Variants in RANBP17 observed in about 807,000 individuals in gnomAD.
RANBP17 encodes the protein ran-binding protein 17.
In RANBP17, 158 loss-of-function variants were observed where a neutral mutation model predicts 141.2. That is an observed-to-expected ratio of 1.12 (90% CI 0.98 to 1.28). The LOEUF (loss-of-function observed/expected upper bound fraction) is 1.28. Among genes scored for constraint, RANBP17 ranks in the 50% most tolerant of loss-of-function variants. The pLI, the probability that RANBP17 is intolerant of heterozygous loss-of-function variation, is 0.00. For synonymous variants in RANBP17, 430 were observed against 450.0 expected, an observed-to-expected ratio of 0.96 and a Z score of 0.56; for missense variants, 1,438 against 1,290.7, an observed-to-expected ratio of 1.11 and a Z score of -1.75.
chr5:170,943,782 C>G (rs951296821), intron 12 of RANBP17, among the ~76,000 whole-genome samples: 1 of 151,962 alleles, frequency 6.6e-6, no homozygotes, highest in African/African-American at 2.4e-5. Flanking sequence ...TTAAGGTGTA[C>G]GGCATGATGT....
chr5:171,097,969 TC>T (rs1383682818), intron 14 of RANBP17, among the ~76,000 whole-genome samples: 2 of 152,138 alleles, frequency 1.3e-5, no homozygotes, highest in Non-Finnish European at 2.9e-5. Context: ...TATGAACTCA[TC>T]CTTTTTTATG....
chr5:171,058,465 T>A (rs1382685172), intron 14 of RANBP17, among the ~76,000 whole-genome samples: 1 of 151,474 alleles, frequency 6.6e-6, no homozygotes, highest in Non-Finnish European at 1.5e-5. Context: ...TCCAATTTCA[T>A]CCATGTCCCT....
At chr5:171,246,247 GA>G (rs1765211753) in intron 24 of RANBP17, among the ~76,000 whole-genome samples, 1 of 152,160 alleles carries the variant, frequency 6.6e-6, no homozygotes, top group Non-Finnish European at 1.5e-5. Flanking sequence ...GAGAGCTGTA[GA>G]ACTCTCTTAC....
At chr5:171,275,553 T>G (rs1393701187) in intron 25 of RANBP17, among the ~76,000 whole-genome samples, 1 of 152,186 alleles carries the variant, frequency 6.6e-6, no homozygotes, top group East Asian at 1.9e-4. Context: ...AGGTTCCCAT[T>G]TTCTGAGGCT....
intron 24 of RANBP17, among the ~76,000 whole-genome samples, chr5:171,244,378 A>G (rs1765081514): frequency 6.6e-6 from 1 of 152,088 alleles, no homozygotes. Context: ...CTCCATCTCA[A>G]AAACAAAAAA....
At chr5:170,883,428 C>A (rs1157990902) in intron 3 of RANBP17, among the ~76,000 whole-genome samples, 2 of 152,130 alleles carry the variant, frequency 1.3e-5, no homozygotes, top group African/African-American at 2.4e-5. Context: ...AATTGATGAA[C>A]CTACATTGAT....
intron 14 of RANBP17, among the ~76,000 whole-genome samples, chr5:171,144,563 G>A (rs1581727947): frequency 6.6e-6 from 1 of 152,114 alleles, no homozygotes; most frequent in Non-Finnish European, 1.5e-5. Context: ...TTCACTTATT[G>A]ATGGCTGCGA....
At chr5:171,006,061 A>C (rs1779579588) in intron 14 of RANBP17, among the ~76,000 whole-genome samples, 1 of 152,236 alleles carries the variant, frequency 6.6e-6, no homozygotes, top group African/African-American at 2.4e-5. Context: ...ATCTCACACC[A>C]GTTAGAATGG....
At chr5:171,128,584 G>C (rs2127785341) in intron 14 of RANBP17, among the ~76,000 whole-genome samples, 1 of 152,222 alleles carries the variant, frequency 6.6e-6, no homozygotes, top group Non-Finnish European at 1.5e-5. Context: ...AAGTTCTAGT[G>C]TTTGATAGTA....
At chr5:171,192,228 G>A (rs1761698350) in intron 18 of RANBP17, among the ~76,000 whole-genome samples, 1 of 152,136 alleles carries the variant, frequency 6.6e-6, no homozygotes, top group Non-Finnish European at 1.5e-5. Context: ...TAGACATGGG[G>A]GGATGGGGGA....
intron 14 of RANBP17, among the ~76,000 whole-genome samples, chr5:171,124,186 A>G (rs767673107): frequency 1.3e-5 from 2 of 152,146 alleles, no homozygotes; most frequent in Non-Finnish European, 2.9e-5. Flanking sequence ...CGTGAAACCA[A>G]AGAATTCAGT....
chr5:170,893,900 T>G (rs1447395216), intron 4 of RANBP17, among the ~76,000 whole-genome samples: 1 of 152,166 alleles, frequency 6.6e-6, no homozygotes, highest in African/African-American at 2.4e-5. Context: ...GTATGGGCAA[T>G]TTTGACTTTC....
chr5:171,205,596 A>G lies in RANBP17; in HGVS notation c.2215A>G (p.Met739Val), dbSNP rs575027804. 1 of 1,613,632 alleles carries G rather than the reference A, an allele frequency of 6.2e-7. No individual in the cohort carries two copies. Among genetic ancestry groups the G allele is most frequent in the African/African-American group, 1.3e-5 (1 of 75,004 alleles). ...FALNTKTSYT[M>V]LFDWMYPTYL... The stretch of plus-strand genomic sequence containing the variant: ...ACTGAACACAAAGACCAGCTACACC[A>G]TGCTGTTTGACTGGATGTATCCTTA... The change falls in exon 20 of 28, where the codon ATG (methionine) becomes GTG (valine). Residue 739 changes from methionine to valine, a missense_variant. Coordinates refer to ENST00000523189, the MANE Select transcript of RANBP17 (RefSeq NM_022897.5).
chr5:171,128,608 ATAAC>A (rs2127785393), intron 14 of RANBP17, among the ~76,000 whole-genome samples: 1 of 152,326 alleles, frequency 6.6e-6, no homozygotes, highest in East Asian at 1.9e-4. Flanking sequence ...TAAGGTGACT[ATAAC>A]TACCAACAAT....
chr5:171,055,239 T>A lies in RANBP17; in HGVS notation c.1710+86862T>A, dbSNP rs140923749. Among the ~76,000 whole-genome samples, 816 of 152,324 alleles carry A rather than the reference T, an allele frequency of 5.4e-3. 12 individuals are homozygous for A. The highest frequency in any genetic ancestry group is 0.019 in the African/African-American group (789 of 41,586). On this transcript the variant is annotated intron_variant, in intron 14 of 27. Coordinates refer to ENST00000523189, the MANE Select transcript of RANBP17 (RefSeq NM_022897.5). ...CAGATTTTTACATTACTCATCCCTC[T>A]TGTTTCTTGTGAGCAGCAGCTAGAA... is the stretch of plus-strand genomic sequence containing the variant.
At chr5:171,238,144 T>C (rs1169461291) in intron 22 of RANBP17, among the ~76,000 whole-genome samples, 2 of 152,132 alleles carry the variant, frequency 1.3e-5, no homozygotes, top group South Asian at 2.1e-4. Flanking sequence ...AAGGTCAAAA[T>C]AGTATATTAA....
intron 14 of RANBP17, among the ~76,000 whole-genome samples, chr5:171,029,423 C>T (rs1781418984): frequency 1.3e-5 from 2 of 151,976 alleles, no homozygotes; most frequent in Non-Finnish European, 1.5e-5. Flanking sequence ...ATTTTAATAA[C>T]GTTTGATTAT....
intron 7 of RANBP17, among the ~76,000 whole-genome samples, chr5:170,913,754 A>G (rs912804092): frequency 9.1e-6 from 1 of 109,478 alleles, no homozygotes; most frequent in Non-Finnish European, 2.1e-5. Context: ...AGTATACGCT[A>G]TTATTTGGAA....
intron 14 of RANBP17, among the ~76,000 whole-genome samples, chr5:171,047,680 C>T (rs947564166): frequency 2.6e-5 from 4 of 151,968 alleles, no homozygotes; most frequent in African/African-American, 4.8e-5. Context: ...CCTCATGATC[C>T]GCCTGCCTCA....
Sources: gnomAD v4.1 joint callset for allele counts (sites outside exome capture counted in the v4.1 genomes callset) on GRCh38, gnomAD v4.1.1 for gene constraint, MANE v1.5 for transcripts, NCBI Gene and HGNC (gene_info 2026-07-23, HGNC 2026-07-21) for gene names.